STARD3NL: variants seen among roughly 807,000 people sequenced by gnomAD.
STARD3NL encodes STARD3 N-terminal like, also known as STARD3 N-terminal-like protein.
A neutral mutation model predicts 30.9 loss-of-function variants in STARD3NL; 17 were observed. The observed-to-expected ratio is 0.55, with a 90% CI of 0.38 to 0.82. The LOEUF is 0.82. STARD3NL is among the 40% of genes least tolerant of loss of function. The pLI, the probability that STARD3NL is intolerant of heterozygous loss-of-function variation, is 0.00. For synonymous variants in STARD3NL, 112 were observed against 100.5 expected (o/e 1.11, Z -0.69); for missense variants, 234 against 277.6 (o/e 0.84, Z 1.12).
At chr7:38,191,578 G>C (rs559943888) in intron 1 of STARD3NL, among the ~76,000 whole-genome samples, 1 of 152,168 alleles carries the variant, frequency 6.6e-6, no homozygotes, top group Admixed American at 6.5e-5. Flanking sequence ...TGTGAGTTAG[G>C]GTTTGAAGTT....
At chr7:38,183,960 A>G (rs766833732) in intron 1 of STARD3NL, among the ~76,000 whole-genome samples, 6 of 152,202 alleles carry the variant, frequency 3.9e-5, no homozygotes, top group African/African-American at 7.2e-5. Flanking sequence ...TTGTGCTTTC[A>G]TACAATGATA....
At chr7:38,194,179 A>G (rs1401615949) in intron 1 of STARD3NL, among the ~76,000 whole-genome samples, 2 of 152,174 alleles carry the variant, frequency 1.3e-5, no homozygotes, top group South Asian at 2.1e-4. Context: ...GAATTAAAAT[A>G]TTACTTATAC....
At chr7:38,200,375 C>T (rs1785119134) in intron 1 of STARD3NL, among the ~76,000 whole-genome samples, 1 of 152,128 alleles carries the variant, frequency 6.6e-6, no homozygotes, top group African/African-American at 2.4e-5. Context: ...CAGTGCTTCT[C>T]GTTCTTCCCT....
chr7:38,203,415 G>T (rs961061927), intron 1 of STARD3NL, among the ~76,000 whole-genome samples: 9 of 152,284 alleles, frequency 5.9e-5, no homozygotes, highest in African/African-American at 2.2e-4. Flanking sequence ...ATACTTTACA[G>T]ATAAGCAAAT....
rs1242298275 is a variant in STARD3NL, at chr7:38,215,024, T to C, written c.304-4T>C. ...AAAACATCCCTTTATTTTCTTACTT[T>C]CAGCTTCTGGCAGTTTTTCGATTTA... On this transcript the variant is annotated splice_polypyrimidine_tract_variant and splice_region_variant and intron_variant, in intron 3 of 8. Transcript: ENST00000009041. The C allele has an allele frequency of 6.2e-7, 1 of 1,613,628 alleles. No homozygotes were observed. The highest frequency in any genetic ancestry group is 1.1e-5 in the South Asian group (1 of 91,060).
chr7:38,189,383 CAAGTGTAAT>C (rs1414289731), intron 1 of STARD3NL, among the ~76,000 whole-genome samples: 1 of 152,082 alleles, frequency 6.6e-6, no homozygotes. Context: ...AATGTGCATC[CAAGTGTAAT>C]AAGTCAGCCA....
chr7:38,226,885 A>G (rs565720977), intron 7 of STARD3NL, among the ~76,000 whole-genome samples: 71 of 152,266 alleles, frequency 4.7e-4, no homozygotes, highest in South Asian at 1.2e-3. Context: ...CAGAACCTCC[A>G]TGCCCATTGA....
At chr7:38,213,320 C>T (rs774608751) in intron 2 of STARD3NL, among the ~76,000 whole-genome samples, 20 of 152,148 alleles carry the variant, frequency 1.3e-4, no homozygotes, top group Non-Finnish European at 2.4e-4. Flanking sequence ...ACAGAGGATC[C>T]ATACTAATTA....
Position 38,207,675 on chromosome 7 carries a change from G to C in STARD3NL, c.171G>C (p.Leu57Phe), listed in dbSNP as rs1340335580. ...GISDVRRTFC[L>F]FVTFDLLFVT... is the part of the protein sequence containing the mutation. Reference sequence around the variant, plus strand: ...CTGATGTCAGGAGGACTTTCTGTTTGTTTGTCACCTTTGACCTCTTATTCG... The same window carrying C: ...CTGATGTCAGGAGGACTTTCTGTTTCTTTGTCACCTTTGACCTCTTATTCG... Residue 57 changes from leucine to phenylalanine, a missense_variant, in exon 2 of 9, where the codon TTG (leucine) becomes TTC (phenylalanine). Physicochemically the swap from Leu to Phe is conservative, Grantham distance 22. Transcript: ENST00000009041. 1 of 1,613,964 alleles carries C rather than the reference G, an allele frequency of 6.2e-7. No homozygotes were observed. Among genetic ancestry groups the C allele is most frequent in the Non-Finnish European group, 8.5e-7 (1 of 1,179,964 alleles).
At chr7:38,195,962 A>G (rs1784881897) in intron 1 of STARD3NL, among the ~76,000 whole-genome samples, 1 of 152,212 alleles carries the variant, frequency 6.6e-6, no homozygotes, top group Admixed American at 6.5e-5. Flanking sequence ...TTGTTAACTG[A>G]GAAACCTGAT....
chr7:38,228,688 G>GT, intron 7 of STARD3NL, 111 bp from the exon 8 acceptor site: 1 of 814,414 alleles, frequency 1.2e-6, no homozygotes, highest in Non-Finnish European at 1.9e-6. Context: ...TTAAACATAT[G>GT]TTTAATGTTT....
At chr7:38,202,325 A>G (rs1785220649) in intron 1 of STARD3NL, 1 of 152,236 alleles carries the variant, frequency 6.6e-6, no homozygotes, top group Non-Finnish European at 1.5e-5. Context: ...ATTGAATGAC[A>G]GAGACACATT....
At chr7:38,178,699 C>T (rs914977253) in intron 1 of STARD3NL, among the ~76,000 whole-genome samples, 20 of 152,180 alleles carry the variant, frequency 1.3e-4, no homozygotes, top group African/African-American at 3.6e-4. Flanking sequence ...GGAGTGTCCT[C>T]ATTCCTCCAG....
At chr7:38,183,519 T>G (rs905763674) in intron 1 of STARD3NL, among the ~76,000 whole-genome samples, 3 of 152,218 alleles carry the variant, frequency 2.0e-5, no homozygotes, top group African/African-American at 4.8e-5. Context: ...TTCCTACTCA[T>G]GTAGTGATTT....
chr7:38,184,076 A>G (rs1784355109), intron 1 of STARD3NL, among the ~76,000 whole-genome samples: 1 of 152,216 alleles, frequency 6.6e-6, no homozygotes, highest in African/African-American at 2.4e-5. Context: ...TACTGAGAAG[A>G]AGACATGAAC....
At chr7:38,207,753 CTTTTTAAGAAGTG>C in intron 2 of STARD3NL, 24 bp downstream of exon 2, 1 of 1,603,808 alleles carries the variant, frequency 6.2e-7, no homozygotes, top group South Asian at 1.1e-5. Context: ...TCTTTCATAA[CTTTTTAAGAAGTG>C]TTTCCAGAGA....
chr7:38,206,688 A>T (rs1189858764), intron 1 of STARD3NL, among the ~76,000 whole-genome samples: 1 of 152,128 alleles, frequency 6.6e-6, no homozygotes, highest in East Asian at 1.9e-4. Flanking sequence ...CATTAAGAGG[A>T]TGGGGAAATG....
At chr7:38,213,954 T>C (rs1785955024) in intron 2 of STARD3NL, among the ~76,000 whole-genome samples, 1 of 152,240 alleles carries the variant, frequency 6.6e-6, no homozygotes, top group African/African-American at 2.4e-5. Context: ...TCGGGGAGTC[T>C]TGGCCTTCCA....
intron 1 of STARD3NL, among the ~76,000 whole-genome samples, chr7:38,191,261 C>T (rs1298761356): frequency 1.3e-5 from 2 of 152,050 alleles, no homozygotes; most frequent in African/African-American, 4.8e-5. Flanking sequence ...AGAACTCTTC[C>T]CCTGCCATCT....
Sources: gnomAD v4.1 joint callset for allele counts (sites outside exome capture counted in the v4.1 genomes callset) on GRCh38, gnomAD v4.1.1 for gene constraint, MANE v1.5 for transcripts, NCBI Gene and HGNC (gene_info 2026-07-23, HGNC 2026-07-21) for gene names.